Variants in EMX2 observed in about 807,000 individuals in gnomAD.
The protein encoded by EMX2 is homeobox protein EMX2.
Under a neutral mutation model 23.0 loss-of-function variants are expected in EMX2, and 6 were observed. The ratio of observed to expected loss-of-function variants is 0.26; its 90% CI spans 0.14 to 0.52. The LOEUF (loss-of-function observed/expected upper bound fraction) is 0.52, where lower values mean the gene tolerates loss of function less well. EMX2 is among the 20% of genes least tolerant of loss of function. EMX2 has a pLI of 0.97. For synonymous variants in EMX2, 175 were observed against 153.3 expected (o/e 1.14, Z -1.04); for missense variants, 302 against 341.4 (o/e 0.88, Z 0.91).
intron 2 of EMX2, among the ~76,000 whole-genome samples, chr10:117,547,705 C>T (rs1269524542): frequency 1.3e-5 from 2 of 152,224 alleles, no homozygotes; most frequent in Non-Finnish European, 2.9e-5. Flanking sequence ...TTCTTTTAAT[C>T]ACTTATTATT....
At chr10:117,547,979 G>C (rs2133971142) in intron 2 of EMX2, 86 bp from the exon 3 acceptor site, 2 of 1,531,062 alleles carry the variant, frequency 1.3e-6, no homozygotes, top group Middle Eastern at 2.0e-4. Context: ...TCTGGAACTG[G>C]AGTCTGGGCT....
chr10:117,548,141 A>T lies in EMX2; in HGVS notation c.668A>T (p.Gln223Leu), dbSNP rs1177083445. 32 of 1,613,912 alleles carry T rather than the reference A, an allele frequency of 2.0e-5. No individual in the cohort carries two copies. Among genetic ancestry groups the T allele is most frequent in the Non-Finnish European group, 2.6e-5 (31 of 1,179,990 alleles). Residue 223 changes from glutamine (Q) to leucine (L), a missense_variant, in exon 3 of 3, where the codon CAA becomes CTA. By Grantham distance (113) the Gln-to-Leu change is moderately radical. Coordinates refer to ENST00000553456, the MANE Select transcript of EMX2 (RefSeq NM_004098.4). The part of the protein sequence containing the change: ...KLEEEGSDSQ[Q>L]KKKGTHHINR... ...GAGGAAGAAGGCTCAGATTCGCAACAAAAGAAAAAAGGGACGCACCATATT... is the reference window on the plus strand; with the variant it reads ...GAGGAAGAAGGCTCAGATTCGCAACTAAAGAAAAAAGGGACGCACCATATT...
chr10:117,547,448 G>A (rs1412836469), intron 2 of EMX2, among the ~76,000 whole-genome samples: 1 of 152,088 alleles, frequency 6.6e-6, no homozygotes, highest in Admixed American at 6.5e-5. Context: ...GTCCCTCCTG[G>A]CCTCCTCCAG....
chr10:117,543,152 C>CCCCCCCCCCCCA lies in EMX2; in HGVS notation c.-115_-114insCCCCCCCCCCAC. ...CCTTCCCCCCACCCCCACCCCCACC[C>CCCCCCCCCCCCA]CAAACAAACGAGTCCCCAATTCTCG... On this transcript the variant is annotated 5_prime_UTR_variant, in exon 1 of 3. Coordinates refer to ENST00000553456, the MANE Select transcript of EMX2 (RefSeq NM_004098.4). 1 of 324,294 alleles carries CCCCCCCCCCCCA rather than the reference C, an allele frequency of 3.1e-6. No homozygotes were observed. Among genetic ancestry groups the CCCCCCCCCCCCA allele is most frequent in the Non-Finnish European group, 4.4e-6 (1 of 227,306 alleles). The allele number at this position is 324,294 out of a possible 1,614,324, so 20.1% of individuals were successfully genotyped here. A position where few individuals can be genotyped will look rare whatever the true frequency, so the allele number is the denominator to read the frequency against.
In EMX2 at chr10:117,548,516, G is replaced by A. The variant is rs1460377271; in HGVS notation, c.*284G>A. 1.8e-6 allele frequency: 1 copy of A among 571,268 alleles called. No individual in the cohort carries two copies. Among genetic ancestry groups the A allele is most frequent in the East Asian group, 2.9e-5 (1 of 34,890 alleles). 35.4% of individuals were successfully genotyped at this position (571,268 alleles called of 1,614,324 possible). A position where few individuals can be genotyped will look rare whatever the true frequency, so the allele number is the denominator to read the frequency against. Reference sequence around the variant, plus strand: ...TGAGTGAGAGACACAGAGAGAAGGAGAAAGAGGGAGGGAGAGAGAGAAAGA... The same window carrying A: ...TGAGTGAGAGACACAGAGAGAAGGAAAAAGAGGGAGGGAGAGAGAGAAAGA... On this transcript the variant is annotated 3_prime_UTR_variant, in exon 3 of 3. Transcript: ENST00000553456.
chr10:117,548,006 C>A, intron 2 of EMX2, 59 bp from the exon 3 acceptor site: 2 of 1,558,480 alleles, frequency 1.3e-6, no homozygotes, highest in Non-Finnish European at 1.7e-6. Context: ...AAGGATCAGG[C>A]ACTTGATAGA....
Position 117,543,613 on chromosome 10 carries a change from C to A in EMX2, c.346C>A (p.Pro116Thr). ...HPLFASQQRDPSTFYPWLIHR... is the reference protein window; with the variant it reads ...HPLFASQQRDTSTFYPWLIHR... ...CCTATTCGCCTCGCAGCAGCGGGAT[C>A]CGTCCACCTTCTACCCCTGGCTCAT... is the stretch of plus-strand genomic sequence containing the variant. Residue 116 changes from proline (P) to threonine (T), a missense_variant, in exon 1 of 3, where the codon CCG (proline) becomes ACG (threonine). Transcript: ENST00000553456. 6.2e-7 allele frequency: 1 copy of A among 1,613,510 alleles called. No homozygotes were observed. Among genetic ancestry groups the A allele is most frequent in the South Asian group, 1.1e-5 (1 of 91,086 alleles).
chr10:117,548,542 GAGAGAA>G lies in EMX2; in HGVS notation c.*316_*321del, dbSNP rs1846613420. The G allele has an allele frequency of 7.1e-6, 3 of 422,846 alleles. No homozygotes were observed. Among genetic ancestry groups the G allele is most frequent in the Non-Finnish European group, 1.2e-5 (3 of 256,420 alleles). The allele number at this position is 422,846 out of a possible 1,614,324, so 26.2% of individuals were successfully genotyped here. On this transcript the variant is annotated 3_prime_UTR_variant, in exon 3 of 3. Coordinates refer to ENST00000553456, the MANE Select transcript of EMX2 (RefSeq NM_004098.4). ...AAAGAGGGAGGGAGAGAGAGAAAGA[GAGAGAA>G]AGAGAGAGAGAGAGAGAGAGAGAGA...
intron 1 of EMX2, 89 bp from the exon 2 acceptor site, chr10:117,545,543 A>G (rs2133969464): frequency 6.5e-7 from 1 of 1,543,640 alleles, no homozygotes; most frequent in Non-Finnish European, 8.8e-7. Context: ...GGCCCTGAGC[A>G]CGGTGCCGGG....
At position 117,547,971 on chromosome 10, in the gene EMX2, T is replaced by G. The variant is rs1846602661; in HGVS notation, c.592-94T>G. 2.0e-6 allele frequency: 3 copies of G among 1,521,368 alleles called. No homozygotes were observed. In the Admixed American group the frequency reaches 5.9e-5, roughly 30 times the overall value. 94.2% of individuals were successfully genotyped at this position (1,521,368 alleles called of 1,614,324 possible). On this transcript the variant is annotated intron_variant, in intron 2 of 2. Coordinates refer to ENST00000553456, the MANE Select transcript of EMX2 (RefSeq NM_004098.4). ...TCGGGGGCTGGGTCTTTGCTGAGTC[T>G]GGAACTGGAGTCTGGGCTGGGTGAA...
At chr10:117,546,063 T>C (rs1023858255) in intron 2 of EMX2, among the ~76,000 whole-genome samples, 30 of 152,370 alleles carry the variant, frequency 2.0e-4, no homozygotes, top group Admixed American at 1.7e-3. Context: ...CTCTGTCCAG[T>C]TGGGCATGTC....
At position 117,543,615 on chromosome 10, in the gene EMX2, G is replaced by A; in HGVS notation, c.348G>A (p.Pro116=). Residue 116 remains proline (P), a synonymous_variant, in exon 1 of 3, where the codon CCG becomes CCA. Transcript: ENST00000553456. ...TATTCGCCTCGCAGCAGCGGGATCC[G>A]TCCACCTTCTACCCCTGGCTCATCC... The part of the protein sequence containing the change: ...HPLFASQQRD[P]STFYPWLIHR... 1.9e-6 allele frequency: 3 copies of A among 1,612,866 alleles called. No individual in the cohort carries two copies. The highest frequency in any genetic ancestry group is 2.2e-5 in the South Asian group (2 of 91,046).
chr10:117,543,453 C>A lies in EMX2; in HGVS notation c.186C>A (p.Gly62=). ...CCGCCGCCGCCGCCGCCGGTAGGGG[C>A]GTCTACTCCAACCCGGACTTGGTGT... is the stretch of plus-strand genomic sequence containing the variant. ...HSAAAAAAGR[G]VYSNPDLVFA... Residue 62 remains glycine (G), a synonymous_variant, in exon 1 of 3, where the codon GGC becomes GGA. Transcript: ENST00000553456. 6.2e-7 allele frequency: 1 copy of A among 1,608,538 alleles called. No homozygotes were observed. Among genetic ancestry groups the A allele is most frequent in the Non-Finnish European group, 8.5e-7 (1 of 1,178,046 alleles).
At chr10:117,547,988 C>A in intron 2 of EMX2, 77 bp from the exon 3 acceptor site, 2 of 1,540,998 alleles carry the variant, frequency 1.3e-6, no homozygotes, top group Admixed American at 2.0e-5. Flanking sequence ...GGAGTCTGGG[C>A]TGGGTGAAAG....
chr10:117,543,553 G>T lies in EMX2; in HGVS notation c.286G>T (p.Ala96Ser). 2 of 1,579,992 alleles carry T rather than the reference G, an allele frequency of 1.3e-6. No individual in the cohort carries two copies. Among genetic ancestry groups the T allele is most frequent in the Non-Finnish European group, 1.7e-6 (2 of 1,163,878 alleles). The stretch of plus-strand genomic sequence containing the variant: ...GGTGCCGCCGCCGCACGCCCTGGCC[G>T]CCCACCCCCTACCCTCCTCGCACTC... Reference protein sequence around the residue: ...HPVPPPHALAAHPLPSSHSPH... With the variant: ...HPVPPPHALASHPLPSSHSPH... The change falls in exon 1 of 3, where the codon GCC (alanine) becomes TCC (serine). Residue 96 changes from alanine to serine, a missense_variant. By Grantham distance (99) the Ala-to-Ser change is moderately conservative. Coordinates refer to ENST00000553456, the MANE Select transcript of EMX2 (RefSeq NM_004098.4).
chr10:117,545,551 G>T, intron 1 of EMX2, 81 bp from the exon 2 acceptor site: 3 of 1,577,694 alleles, frequency 1.9e-6, no homozygotes, highest in Non-Finnish European at 2.6e-6. Context: ...GCACGGTGCC[G>T]GGCCAGCCCG....
chr10:117,543,507 C>G lies in EMX2; in HGVS notation c.240C>G (p.Asn80Lys). The G allele has an allele frequency of 6.3e-7, 1 of 1,597,308 alleles. No individual in the cohort carries two copies. ...VFAEAVSHPP[N>K]PAVPVHPVPP... ...CCGAGGCGGTCTCGCACCCGCCCAA[C>G]CCCGCCGTGCCAGTGCACCCGGTGC... The change falls in exon 1 of 3, where the codon AAC becomes AAG. Residue 80 changes from asparagine to lysine, a missense_variant. By Grantham distance (94) the Asn-to-Lys change is moderately conservative. Around this residue, in one of 4 missense-constraint regions of EMX2, gnomAD observed 221 missense variants for 206.8 expected, o/e 1.07. Transcript: ENST00000553456.
chr10:117,543,190 G>A lies in EMX2; in HGVS notation c.-78G>A. 1 of 970,040 alleles carries A rather than the reference G, an allele frequency of 1.0e-6. No individual in the cohort carries two copies. The highest frequency in any genetic ancestry group is 1.3e-6 in the Non-Finnish European group (1 of 793,840). The allele number at this position is 970,040 out of a possible 1,614,324, so 60.1% of individuals were successfully genotyped here. A position where few individuals can be genotyped will look rare whatever the true frequency, so the allele number is the denominator to read the frequency against. On this transcript the variant is annotated 5_prime_UTR_variant, in exon 1 of 3. Coordinates refer to ENST00000553456, the MANE Select transcript of EMX2 (RefSeq NM_004098.4). ...TCCCCAATTCTCGTCCGTCCTCGCC[G>A]CGGGCAGCGGGCGGCGGAGGCAGCG...
chr10:117,547,185 C>T lies in EMX2; in HGVS notation c.592-880C>T, dbSNP rs150314571. ...CATTGCTCCTGAGACCTCTCACAGC[C>T]GCTCTGGTGAGGCCGGGCCTCCAGC... On this transcript the variant is annotated intron_variant, in intron 2 of 2. Transcript: ENST00000553456. Among the ~76,000 whole-genome samples the T allele has an allele frequency of 5.0e-3, 768 of 152,280 alleles. 3 individuals are homozygous for T. The highest frequency in any genetic ancestry group is 6.7e-3 in the Non-Finnish European group (458 of 68,022).
Sources: gnomAD v4.1 joint callset for allele counts (sites outside exome capture counted in the v4.1 genomes callset) on GRCh38, gnomAD v4.1.1 for gene constraint, gnomAD v4.1.1 regional missense constraint, MANE v1.5 for transcripts, NCBI Gene and HGNC (gene_info 2026-07-23, HGNC 2026-07-21) for gene names.